Variants in BORCS5 observed in about 807,000 individuals in gnomAD.
BORCS5 encodes BLOC-1 related complex subunit 5.
BORCS5 carries 17 observed loss-of-function variants against 22.1 expected under a neutral mutation model. The observed-to-expected ratio is 0.77, with a 90% CI of 0.53 to 1.15. BORCS5 has a LOEUF of 1.15. Ranked by LOEUF, BORCS5 falls within the 50% of genes most tolerant of loss-of-function variation. The pLI is 0.00. For missense variants in BORCS5, 247 were observed against 253.2 expected (o/e 0.98, Z 0.17); for synonymous variants, 117 against 99.8 (o/e 1.17, Z -1.03).
At chr12:12,424,967 G>A (rs761345932) in intron 2 of BORCS5, among the ~76,000 whole-genome samples, 5 of 152,228 alleles carry the variant, frequency 3.3e-5, no homozygotes, top group Non-Finnish European at 5.9e-5. Flanking sequence ...TTCAGCGTGA[G>A]TGGGAAGACC....
At chr12:12,400,342 C>G (rs181540356) in intron 2 of BORCS5, among the ~76,000 whole-genome samples, 1 of 152,126 alleles carries the variant, frequency 6.6e-6, no homozygotes, top group African/African-American at 2.4e-5. Flanking sequence ...GAAATTACCT[C>G]GGTCAACCAC....
At chr12:12,361,437 C>T (rs1474501455) in intron 2 of BORCS5, 88 bp downstream of exon 2, 3 of 1,423,872 alleles carry the variant, frequency 2.1e-6, no homozygotes, top group East Asian at 4.6e-5. Context: ...ATGTATCTTG[C>T]TCTCTCATCT....
intron 2 of BORCS5, among the ~76,000 whole-genome samples, chr12:12,418,785 C>T (rs1942038476): frequency 1.3e-5 from 2 of 152,140 alleles, no homozygotes; most frequent in African/African-American, 2.4e-5. Flanking sequence ...AGTAGACAAG[C>T]ATATAGTTGG....
chr12:12,360,823 T>A (rs1281197682), intron 1 of BORCS5, among the ~76,000 whole-genome samples: 1 of 152,014 alleles, frequency 6.6e-6, no homozygotes, highest in East Asian at 1.9e-4. Context: ...CGGGCTCAAG[T>A]GATTCTCCTG....
intron 2 of BORCS5, among the ~76,000 whole-genome samples, chr12:12,365,326 A>G (rs956096444): frequency 6.7e-6 from 1 of 149,806 alleles, no homozygotes; most frequent in African/African-American, 2.5e-5. Context: ...GCACCACCAC[A>G]CCCGGCTAAT....
intron 2 of BORCS5, among the ~76,000 whole-genome samples, chr12:12,379,915 T>C (rs1458836528): frequency 6.6e-6 from 1 of 151,412 alleles, no homozygotes; most frequent in Non-Finnish European, 1.5e-5. Flanking sequence ...TTCCTCACTC[T>C]AGCTTTTGAT....
At chr12:12,419,991 A>G (rs1468965848) in intron 2 of BORCS5, among the ~76,000 whole-genome samples, 3 of 152,008 alleles carry the variant, frequency 2.0e-5, no homozygotes, top group African/African-American at 7.3e-5. Flanking sequence ...CCCATTCTGT[A>G]GGTTGCCTGT....
intron 2 of BORCS5, among the ~76,000 whole-genome samples, chr12:12,406,318 T>C (rs1325904854): frequency 1.3e-5 from 2 of 152,220 alleles, no homozygotes. Flanking sequence ...AAAAGTTAGT[T>C]TTTTCTGAAA....
At chr12:12,377,044 C>G (rs1373595271) in intron 2 of BORCS5, among the ~76,000 whole-genome samples, 1 of 152,130 alleles carries the variant, frequency 6.6e-6, no homozygotes, top group Non-Finnish European at 1.5e-5. Flanking sequence ...CAGAAAAGGA[C>G]AAATCTTACT....
intron 2 of BORCS5, among the ~76,000 whole-genome samples, chr12:12,363,909 AT>A (rs146548412): frequency 0.099 from 15,026 of 151,916 alleles, 793 homozygotes; most frequent in East Asian, 0.13. Flanking sequence ...AAAAAAAAAA[AT>A]ATCTGCATAT....
chr12:12,370,382 C>A (rs1170974756), intron 2 of BORCS5, among the ~76,000 whole-genome samples: 1 of 152,072 alleles, frequency 6.6e-6, no homozygotes, highest in Non-Finnish European at 1.5e-5. Flanking sequence ...GTTATAAAGT[C>A]ATTTTTTGGT....
intron 2 of BORCS5, among the ~76,000 whole-genome samples, chr12:12,366,166 C>T (rs7296883): frequency 4.6e-5 from 7 of 152,014 alleles, no homozygotes; most frequent in Admixed American, 1.3e-4. Flanking sequence ...CACAGTGAAG[C>T]CTGTACCCCC....
At chr12:12,411,560 T>C (rs1941733464) in intron 2 of BORCS5, among the ~76,000 whole-genome samples, 1 of 152,200 alleles carries the variant, frequency 6.6e-6, no homozygotes, top group South Asian at 2.1e-4. Flanking sequence ...TTTTGTGGGC[T>C]GCCTTTTTAC....
At chr12:12,374,875 G>T (rs1444605804) in intron 2 of BORCS5, among the ~76,000 whole-genome samples, 1 of 150,018 alleles carries the variant, frequency 6.7e-6, no homozygotes, top group Admixed American at 6.6e-5. Context: ...ACAATCGTTT[G>T]AATGCAGGAG....
intron 3 of BORCS5, among the ~76,000 whole-genome samples, chr12:12,436,910 A>C (rs1480320845): frequency 1.3e-5 from 2 of 152,218 alleles, no homozygotes; most frequent in Non-Finnish European, 2.9e-5. Context: ...GTGGCTTTGC[A>C]AATATTATAA....
chr12:12,358,568 AT>A (rs1397138742), intron 1 of BORCS5, among the ~76,000 whole-genome samples: 3 of 152,202 alleles, frequency 2.0e-5, no homozygotes, highest in Non-Finnish European at 2.9e-5. Context: ...GCAGAAACAT[AT>A]TTTAGGGGGA....
intron 2 of BORCS5, among the ~76,000 whole-genome samples, chr12:12,427,762 C>G (rs1320971506): frequency 6.6e-6 from 1 of 152,164 alleles, no homozygotes; most frequent in Non-Finnish European, 1.5e-5. Context: ...AGGACCTGCT[C>G]CCTGGTTTGC....
At chr12:12,368,199 T>A (rs1289447872) in intron 2 of BORCS5, among the ~76,000 whole-genome samples, 1 of 152,144 alleles carries the variant, frequency 6.6e-6, no homozygotes, top group African/African-American at 2.4e-5. Context: ...CTTTTCCGTA[T>A]TTAACATAGG....
intron 2 of BORCS5, among the ~76,000 whole-genome samples, chr12:12,397,952 G>C (rs1941389844): frequency 1.3e-5 from 2 of 152,170 alleles, no homozygotes; most frequent in South Asian, 4.1e-4. Context: ...AGCAGAGAGA[G>C]CTTTTTCAGG....
Sources: allele counts gnomAD v4.1 joint callset (sites outside exome capture counted in the v4.1 genomes callset), GRCh38; gene constraint gnomAD v4.1.1; transcripts MANE v1.5; gene names NCBI Gene and HGNC (gene_info 2026-07-23, HGNC 2026-07-21).